The following USH2A variants were observed in gnomAD, a reference collection of about 807,000 sequenced individuals.
USH2A encodes the protein usherin, also known as Usher syndrome 2A (autosomal recessive, mild).
A neutral mutation model predicts 538.9 loss-of-function variants in USH2A; 443 were observed. The observed-to-expected ratio is 0.82, with a 90% confidence interval of 0.76 to 0.89. The LOEUF is 0.89. Among genes scored for constraint, USH2A ranks in the 40% least tolerant of loss-of-function variants. The probability of loss-of-function intolerance (pLI) is 0.00; values close to 1 mark genes in which losing one functional copy is unlikely to be tolerated. For synonymous variants in USH2A, 2,413 were observed against 2,273.5 expected, an observed-to-expected ratio of 1.06 and a Z score of -1.75; for missense variants, 6,633 against 6,324.8, an observed-to-expected ratio of 1.05 and a Z score of -1.65.
intron 38 of USH2A, among the ~76,000 whole-genome samples, chr1:215,919,915 C>G (rs1409543778): frequency 2.6e-5 from 4 of 152,006 alleles, no homozygotes; most frequent in African/African-American, 9.7e-5. Flanking sequence ...CACTGTCAGG[C>G]ACAGTAGCAG....
At chr1:215,924,824 G>T (rs1571817772) in intron 38 of USH2A, among the ~76,000 whole-genome samples, 1 of 151,890 alleles carries the variant, frequency 6.6e-6, no homozygotes, top group Non-Finnish European at 1.5e-5. Context: ...ATGCTTTAAA[G>T]ATAGCACTTA....
At chr1:216,392,132 G>A (rs1399190262) in intron 3 of USH2A, among the ~76,000 whole-genome samples, 1 of 152,120 alleles carries the variant, frequency 6.6e-6, no homozygotes, top group Non-Finnish European at 1.5e-5. Flanking sequence ...ATAGTCCAAA[G>A]ACAAATTGCA....
At chr1:215,865,321 C>T (rs1287200173) in intron 44 of USH2A, among the ~76,000 whole-genome samples, 3 of 152,120 alleles carry the variant, frequency 2.0e-5, no homozygotes, top group South Asian at 4.1e-4. Context: ...ACCTACATCC[C>T]GAAGGTCAGA....
rs542133180 is a variant in USH2A, at chr1:215,992,920, G to A, written c.6805+100C>T. On this transcript the variant is annotated intron_variant, in intron 35 of 71. Coordinates refer to ENST00000307340, the MANE Select transcript of USH2A (RefSeq NM_206933.4). ...TCTTAGGTATTTTATGTGCTAAAAT[G>A]ATCATTAAAAATTAAGCACCACATA... 45 of 1,549,248 alleles carry A rather than the reference G, an allele frequency of 2.9e-5. No homozygotes were observed. In the East Asian group the frequency reaches 9.9e-4, roughly 34 times the overall value.
chr1:215,816,884 A>G (rs1280222682), intron 48 of USH2A, 113 bp downstream of exon 48: 1 of 1,180,472 alleles, frequency 8.5e-7, no homozygotes, highest in Admixed American at 1.8e-5. Context: ...AGTCTTCTTC[A>G]TAGAGTAGTG....
At chr1:216,111,089 G>A (rs193281845) in intron 21 of USH2A, among the ~76,000 whole-genome samples, 103 of 152,130 alleles carry the variant, frequency 6.8e-4, no homozygotes, top group Non-Finnish European at 9.9e-4. Context: ...AGTTGGGCTC[G>A]TTGGCACACT....
chr1:215,707,259 C>CCTTGTGACT (rs1659208502), intron 61 of USH2A, among the ~76,000 whole-genome samples: 1 of 152,048 alleles, frequency 6.6e-6, no homozygotes, highest in African/African-American at 2.4e-5. Flanking sequence ...TCTGAGAAGC[C>CCTTGTGACT]CTTGTGACTA....
In USH2A at chr1:215,743,338, T is replaced by C. The variant is rs1379405755; in HGVS notation, c.11390-3A>G. Reference sequence around the variant, plus strand: ...AGGAATTTCGGGGATGAGGATCCCTTTAAAGAGAGAGAGAGAGAGAGAACA... The same window carrying C: ...AGGAATTTCGGGGATGAGGATCCCTCTAAAGAGAGAGAGAGAGAGAGAACA... On this transcript the variant is annotated splice_region_variant and splice_polypyrimidine_tract_variant and intron_variant, in intron 58 of 71. Coordinates refer to ENST00000307340, the MANE Select transcript of USH2A (RefSeq NM_206933.4). The C allele has an allele frequency of 6.3e-7, 1 of 1,576,506 alleles. No homozygotes were observed. The highest frequency in any genetic ancestry group is 2.3e-5 in the East Asian group (1 of 42,750).
rs766403617 is a variant in USH2A at position 215,782,039 on chromosome 1, T to C, written c.10740+3A>G. 1.9e-6 allele frequency: 3 copies of C among 1,613,916 alleles called. No homozygotes were observed. The South Asian group carries it at 3.3e-5, about 18-fold the overall frequency. On this transcript the variant is annotated splice_donor_region_variant and intron_variant, in intron 54 of 71. Transcript: ENST00000307340. ...TCCCAGAGTTTAGGCAAACTCCTCT[T>C]ACCTTGCTACTGGTGGCACAGCCAG...
chr1:215,962,529 A>G (rs1667227677), intron 37 of USH2A, among the ~76,000 whole-genome samples: 1 of 152,120 alleles, frequency 6.6e-6, no homozygotes, highest in Non-Finnish European at 1.5e-5. Context: ...CTCTGAAATT[A>G]TTAAGATGGA....
chr1:215,766,352 T>C lies in USH2A; in HGVS notation c.11047+329A>G, dbSNP rs1306648768. 3.3e-5 allele frequency among the ~76,000 whole-genome samples: 5 copies of C among 152,298 alleles called. No individual in the cohort carries two copies. In the East Asian group the frequency reaches 7.7e-4, roughly 24 times the overall value. The stretch of plus-strand genomic sequence containing the variant: ...TTGTCAGTCTTGAGGGCAGAGAACA[T>C]TTTAAACAACTTCAGCAGTGAGCAT... On this transcript the variant is annotated intron_variant, in intron 56 of 71. Coordinates refer to ENST00000307340, the MANE Select transcript of USH2A (RefSeq NM_206933.4).
At position 215,970,615 on chromosome 1, in the gene USH2A, A is replaced by G; in HGVS notation, c.6957+10T>C. 6.2e-7 allele frequency: 1 copy of G among 1,613,558 alleles called. No homozygotes were observed. Among genetic ancestry groups the G allele is most frequent in the Non-Finnish European group, 8.5e-7 (1 of 1,179,636 alleles). ...TAACACATTCCTAGAATGTAAATTT[A>G]GATACTCACCAGTGGGCCCAGAGCA... On this transcript the variant is annotated intron_variant, in intron 36 of 71. Transcript: ENST00000307340.
chr1:216,011,395 A>C (rs1455469948), intron 32 of USH2A, among the ~76,000 whole-genome samples: 1 of 152,140 alleles, frequency 6.6e-6, no homozygotes, highest in Non-Finnish European at 1.5e-5. Context: ...ACTTCAATCA[A>C]GCCCAAATTT....
chr1:215,999,374 A>G (rs1668213494), intron 33 of USH2A, among the ~76,000 whole-genome samples: 1 of 152,146 alleles, frequency 6.6e-6, no homozygotes, highest in Admixed American at 6.6e-5. Flanking sequence ...ACTTCTGAGA[A>G]CTTAGATATG....
intron 60 of USH2A, among the ~76,000 whole-genome samples, chr1:215,740,761 A>G (rs1379701864): frequency 6.6e-6 from 1 of 152,202 alleles, no homozygotes; most frequent in Non-Finnish European, 1.5e-5. Context: ...TTTGTGGAAG[A>G]CAATTTTTCT....
chr1:216,254,379 C>A (rs2036221104), intron 11 of USH2A, among the ~76,000 whole-genome samples: 1 of 151,902 alleles, frequency 6.6e-6, no homozygotes, highest in Non-Finnish European at 1.5e-5. Flanking sequence ...TGCTGTCCAC[C>A]AAGAAGTAGA....
At position 215,628,137 on chromosome 1, in the gene USH2A, T is replaced by C. The variant is rs80108692; in HGVS notation, c.15519+677A>G. On this transcript the variant is annotated intron_variant, in intron 71 of 71. Coordinates refer to ENST00000307340, the MANE Select transcript of USH2A (RefSeq NM_206933.4). ...TGATACAAAATATTCTTTTTGCGTCTACCCATACACCAATAGGAAAAGGCA... is the reference window on the plus strand; with the variant it reads ...TGATACAAAATATTCTTTTTGCGTCCACCCATACACCAATAGGAAAAGGCA... 6.2e-3 allele frequency among the ~76,000 whole-genome samples: 926 copies of C among 150,358 alleles called. 24 individuals are homozygous for C. In the South Asian group the frequency reaches 0.071, roughly 12 times the overall value.
intron 32 of USH2A, among the ~76,000 whole-genome samples, chr1:216,037,630 T>C (rs554056266): frequency 6.6e-6 from 1 of 152,152 alleles, no homozygotes; most frequent in East Asian, 1.9e-4. Context: ...TGTCTGTAGC[T>C]GATCTGGGTG....
At position 215,782,797 on chromosome 1, in the gene USH2A, T is replaced by C. The variant is rs2102763446; in HGVS notation, c.10526A>G (p.Lys3509Arg). The C allele has an allele frequency of 6.2e-7, 1 of 1,614,042 alleles. No individual in the cohort carries two copies. The highest frequency in any genetic ancestry group is 8.5e-7 in the Non-Finnish European group (1 of 1,179,926). Residue 3509 changes from lysine (K) to arginine (R), a missense_variant, in exon 53 of 72, where the codon AAA becomes AGA. Physicochemically the swap from Lys to Arg is conservative, Grantham distance 26 (BLOSUM62 2). Transcript: ENST00000307340. ...PQGVSPPTWTKIDNLEDTIVL... is the reference protein window; with the variant it reads ...PQGVSPPTWTRIDNLEDTIVL... Reference sequence around the variant, plus strand: ...AATTGTATCTTCAAGATTGTCTATTTTGGTCCACGTAGGGGGACTCACTCC... The same window carrying C: ...AATTGTATCTTCAAGATTGTCTATTCTGGTCCACGTAGGGGGACTCACTCC...
Sources: allele counts gnomAD v4.1 joint callset (sites outside exome capture counted in the v4.1 genomes callset), GRCh38; gene constraint gnomAD v4.1.1; transcripts MANE v1.5; gene names NCBI Gene and HGNC (gene_info 2026-07-23, HGNC 2026-07-21).